The following MYO18A variants were observed in gnomAD, a reference collection of about 807,000 sequenced individuals.
MYO18A encodes the protein myosin XVIIIA.
MYO18A carries 78 observed loss-of-function variants against 235.8 expected under a neutral mutation model. The observed-to-expected ratio is 0.33, with a 90% CI of 0.28 to 0.40. The LOEUF is 0.40. MYO18A is among the 10% of genes least tolerant of loss of function. MYO18A has a pLI of 1.00. For synonymous variants in MYO18A, 977 were observed against 1,077.8 expected (o/e 0.91, Z 1.83); for missense variants, 2,215 against 2,699.3 (o/e 0.82, Z 3.98).
chr17:29,174,725 T>C (rs1283608137), intron 1 of MYO18A, among the ~76,000 whole-genome samples: 2 of 151,994 alleles, frequency 1.3e-5, no homozygotes, highest in Non-Finnish European at 2.9e-5. Flanking sequence ...GGCAGGAGAA[T>C]CGCTTGAATC....
At chr17:29,097,731 TG>T in intron 26 of MYO18A, 56 bp downstream of exon 26, 1 of 1,460,610 alleles carries the variant, frequency 6.8e-7, no homozygotes, top group South Asian at 1.2e-5. Flanking sequence ...TACCCAGGGG[TG>T]GGCATCAGGG....
chr17:29,173,245 A>C (rs1246423115), intron 1 of MYO18A, among the ~76,000 whole-genome samples: 3 of 151,780 alleles, frequency 2.0e-5, no homozygotes, highest in Admixed American at 6.6e-5. Context: ...GGCATGCGCC[A>C]CCATGACCGG....
chr17:29,105,657 C>A (rs916843180), intron 20 of MYO18A, among the ~76,000 whole-genome samples: 1 of 151,946 alleles, frequency 6.6e-6, no homozygotes, highest in Non-Finnish European at 1.5e-5. Context: ...GAAGGCTGGG[C>A]ATCTGCTGGG....
At chr17:29,173,818 C>G (rs1320007509) in intron 1 of MYO18A, among the ~76,000 whole-genome samples, 1 of 152,168 alleles carries the variant, frequency 6.6e-6, no homozygotes, top group Non-Finnish European at 1.5e-5. Flanking sequence ...GTCACCCAGG[C>G]TGGAGTTTGG....
At chr17:29,089,199 G>A (rs148250653) in intron 37 of MYO18A, among the ~76,000 whole-genome samples, 2,201 of 151,708 alleles carry the variant, frequency 0.015, 46 homozygotes, top group African/African-American at 0.051. Context: ...TTGGGAGGCC[G>A]AGGCGGGCAG....
At position 29,074,851 on chromosome 17, in the gene MYO18A, G is replaced by A. The variant is rs1568029868; in HGVS notation, c.6084C>T (p.Asp2028=). ...DRSDDEHDPL[D]NTSRPRYSHS... Reference sequence around the variant, plus strand: ...GGGAGTATCGCGGTCTGGAGGTGTTGTCGAGAGGGTCGTGCTCATCATCTG... The same window carrying A: ...GGGAGTATCGCGGTCTGGAGGTGTTATCGAGAGGGTCGTGCTCATCATCTG... The change falls in exon 42 of 42, where the codon GAC becomes GAT. Residue 2028 remains aspartate (D), a synonymous_variant. Transcript: ENST00000527372. This position sits in a 1 kb window ranked among gnomAD's most constrained non-coding sequence, Gnocchi z 4.4. 6.2e-7 allele frequency: 1 copy of A among 1,613,986 alleles called. No individual in the cohort carries two copies.
At chr17:29,124,721 G>C in intron 2 of MYO18A, 2 of 1,272,380 alleles carry the variant, frequency 1.6e-6, no homozygotes, top group Non-Finnish European at 2.0e-6. Flanking sequence ...AGAGAGAGAA[G>C]AAGGGTGAAG....
intron 39 of MYO18A, 139 bp from the exon 40 acceptor site, chr17:29,085,787 T>G (rs7209661): frequency 0.38 from 297,950 of 782,672 alleles, 63,334 homozygotes; most frequent in East Asian, 0.85. Context: ...GACCAGGTAG[T>G]GGGATGCGTG....
intron 2 of MYO18A, among the ~76,000 whole-genome samples, chr17:29,132,589 T>G (rs1008839394): frequency 6.6e-6 from 1 of 152,194 alleles, no homozygotes; most frequent in African/African-American, 2.4e-5. Flanking sequence ...CATGATCCAC[T>G]TGGGGGGACT....
At position 29,074,004 on chromosome 17, in the gene MYO18A, A is replaced by C. The variant is rs1334867848; in HGVS notation, c.*766T>G. 1.9e-6 allele frequency: 3 copies of C among 1,613,252 alleles called. No homozygotes were observed. The highest frequency in any genetic ancestry group is 1.7e-4 in the Middle Eastern group (1 of 6,052). ...TTGCACATAACACGCTGAGACAAAGAGGGTGGGGTGGGGGCTGGAGGTGCG... is the reference window on the plus strand; with the variant it reads ...TTGCACATAACACGCTGAGACAAAGCGGGTGGGGTGGGGGCTGGAGGTGCG... On this transcript the variant is annotated 3_prime_UTR_variant, in exon 42 of 42. Transcript: ENST00000527372. This position sits in a 1 kb window ranked among gnomAD's most constrained non-coding sequence, Gnocchi z 4.4.
chr17:29,177,567 G>A (rs2068560445), intron 1 of MYO18A, among the ~76,000 whole-genome samples: 1 of 152,150 alleles, frequency 6.6e-6, no homozygotes, highest in Non-Finnish European at 1.5e-5. Context: ...AATGCTAGGG[G>A]GAAGAAATGG....
intron 37 of MYO18A, 53 bp downstream of exon 37, chr17:29,089,908 C>G (rs917728076): frequency 2.2e-4 from 351 of 1,608,630 alleles, no homozygotes; most frequent in Non-Finnish European, 2.9e-4. Context: ...GCGGCTCCAG[C>G]GCTGGGGCAG....
At chr17:29,159,022 A>C (rs2068117575) in intron 2 of MYO18A, among the ~76,000 whole-genome samples, 1 of 151,998 alleles carries the variant, frequency 6.6e-6, no homozygotes, top group South Asian at 2.1e-4. Flanking sequence ...CAAGGCTCCA[A>C]GCTGTGCCCA....
At chr17:29,086,769 C>G in intron 38 of MYO18A, 167 bp downstream of exon 38, 2 of 1,112,138 alleles carry the variant, frequency 1.8e-6, no homozygotes, top group South Asian at 3.3e-5. Flanking sequence ...TCTCCAGTGC[C>G]GCTAGCTTCC....
In MYO18A at chr17:29,098,342, C is replaced by T. The variant is rs377684909; in HGVS notation, c.3870+14G>A. Reference sequence around the variant, plus strand: ...CAGCCATGCCCAGTCGGTGTGGTGCCAGGAGTCACTCACCCGGCTCTCCAG... The same window carrying T: ...CAGCCATGCCCAGTCGGTGTGGTGCTAGGAGTCACTCACCCGGCTCTCCAG... On this transcript the variant is annotated intron_variant, in intron 24 of 41. Transcript: ENST00000527372. The T allele has an allele frequency of 1.3e-5, 21 of 1,613,496 alleles. No homozygotes were observed. The highest frequency in any genetic ancestry group is 1.6e-5 in the Non-Finnish European group (19 of 1,179,772).
intron 2 of MYO18A, among the ~76,000 whole-genome samples, chr17:29,164,165 C>T (rs1441840725): frequency 1.3e-5 from 2 of 152,240 alleles, no homozygotes; most frequent in Non-Finnish European, 2.9e-5. Context: ...GCTGGGATTA[C>T]AGGCGTGAGC....
At chr17:29,080,745 G>A (rs1160761436) in intron 41 of MYO18A, 4 of 985,588 alleles carry the variant, frequency 4.1e-6, no homozygotes, top group Non-Finnish European at 4.8e-6. Flanking sequence ...CGCGCCCCCC[G>A]GTCCCCGAGC....
intron 2 of MYO18A, among the ~76,000 whole-genome samples, chr17:29,135,068 G>A (rs2053323256): frequency 6.6e-6 from 1 of 151,750 alleles, no homozygotes; most frequent in Non-Finnish European, 1.5e-5. Flanking sequence ...AAGAATCAGG[G>A]CACTTCAGTG....
At chr17:29,171,749 A>G (rs1207717703) in intron 1 of MYO18A, among the ~76,000 whole-genome samples, 1 of 151,966 alleles carries the variant, frequency 6.6e-6, no homozygotes, top group Non-Finnish European at 1.5e-5. Context: ...ACAAAAAATT[A>G]TCTGGATGTG....
Sources: allele counts gnomAD v4.1 joint callset (sites outside exome capture counted in the v4.1 genomes callset), GRCh38; gene constraint gnomAD v4.1.1; non-coding constraint Gnocchi (gnomAD v3.1); transcripts MANE v1.5; gene names NCBI Gene and HGNC (gene_info 2026-07-23, HGNC 2026-07-21).